XYLT1: variants seen among roughly 807,000 people sequenced by gnomAD.
XYLT1 encodes the protein xylosyltransferase 1.
In XYLT1, 36 loss-of-function variants were observed where a neutral mutation model predicts 91.3. The ratio of observed to expected loss-of-function variants is 0.39; its 90% CI spans 0.30 to 0.52. The LOEUF (loss-of-function observed/expected upper bound fraction) is 0.52, where lower values mean the gene tolerates loss of function less well. Among genes scored for constraint, XYLT1 ranks in the 20% least tolerant of loss-of-function variants. The probability of loss-of-function intolerance (pLI) is 0.68; values close to 1 mark genes in which losing one functional copy is unlikely to be tolerated. For missense variants in XYLT1, 1,242 were observed against 1,284.5 expected (o/e 0.97, Z 0.51); for synonymous variants, 588 against 532.0 (o/e 1.11, Z -1.45).
intron 2 of XYLT1, among the ~76,000 whole-genome samples, chr16:17,331,078 C>G (rs567442269): frequency 9.2e-5 from 14 of 152,356 alleles, no homozygotes; most frequent in Admixed American, 2.0e-4. Flanking sequence ...AGCCACTGGG[C>G]ACTGCCAGCT....
chr16:17,352,544 C>T (rs11861905), intron 2 of XYLT1, among the ~76,000 whole-genome samples: 74,275 of 152,112 alleles, frequency 0.49, 20,179 homozygotes, highest in African/African-American at 0.72. Context: ...AGACATACTA[C>T]GCAAAAAATT....
intron 2 of XYLT1, among the ~76,000 whole-genome samples, chr16:17,343,472 A>G (rs990017226): frequency 6.6e-6 from 1 of 151,772 alleles, no homozygotes; most frequent in African/African-American, 2.4e-5. Flanking sequence ...TTTTAAAATG[A>G]AAAAAAAGAA....
rs186265851 is a variant in XYLT1, at chr16:17,202,631, A to G, written c.914-1977T>C. On this transcript the variant is annotated intron_variant, in intron 3 of 11. Coordinates refer to ENST00000261381, the MANE Select transcript of XYLT1 (RefSeq NM_022166.4). ...AGTTCACAGTCCAAAAAGGGGACTC[A>G]CCACCACCTCTTTTACTCTCTTTCA... Among the ~76,000 whole-genome samples the G allele has an allele frequency of 6.1e-3, 934 of 152,274 alleles. 7 individuals carry two copies. Among genetic ancestry groups the G allele is most frequent in the African/African-American group, 0.021 (875 of 41,552 alleles).
rs539971572 is a variant in XYLT1, at chr16:17,187,048, AG to A, written c.1289+11163del. ...TCCTATTCAGAGAAATGGGGGAACC[AG>A]AAGGGTGACTGATATAGGATAGGAA... On this transcript the variant is annotated intron_variant, in intron 5 of 11. Transcript: ENST00000261381. Among the ~76,000 whole-genome samples the A allele has an allele frequency of 5.3e-5, 8 of 152,248 alleles. No homozygotes were observed. The East Asian group carries it at 1.5e-3, about 29-fold the overall frequency.
chr16:17,460,611 C>T (rs984811832), intron 1 of XYLT1, among the ~76,000 whole-genome samples: 4 of 152,136 alleles, frequency 2.6e-5, no homozygotes, highest in Admixed American at 6.5e-5. Context: ...AGCCAGGTGC[C>T]ACAGGTGACA....
At position 17,138,414 on chromosome 16, in the gene XYLT1, C is replaced by T. The variant is rs749988288; in HGVS notation, c.1705G>A (p.Val569Met). ...TTGGGGGAGCAGCCGCACCAGTCCACGATGTGCTTGTACTGGCACTTGCAG... is the reference window on the plus strand; with the variant it reads ...TTGGGGGAGCAGCCGCACCAGTCCATGATGTGCTTGTACTGGCACTTGCAG... ...LGCKCQYKHI[V>M]DWCGCSPNDF... The change falls in exon 8 of 12, where the codon GTG becomes ATG. Residue 569 changes from valine to methionine, a missense_variant. Coordinates refer to ENST00000261381, the MANE Select transcript of XYLT1 (RefSeq NM_022166.4). The T allele has an allele frequency of 1.4e-5, 22 of 1,614,028 alleles. No individual in the cohort carries two copies. Among genetic ancestry groups the T allele is most frequent in the East Asian group, 4.5e-5 (2 of 44,890 alleles).
intron 7 of XYLT1, 85 bp downstream of exon 7, chr16:17,141,068 C>CGG: frequency 7.2e-7 from 1 of 1,392,674 alleles, no homozygotes; most frequent in South Asian, 1.3e-5. Context: ...CCCAGAATCT[C>CGG]TTTGCCAAAA....
At chr16:17,184,205 T>TTTG (rs10686513) in intron 5 of XYLT1, among the ~76,000 whole-genome samples, 1 of 140,130 alleles carries the variant, frequency 7.1e-6, no homozygotes, top group Non-Finnish European at 1.6e-5. Flanking sequence ...TTTTTTTTTT[T>TTTG]GCCAATAAGC....
chr16:17,262,864 G>T (rs747705359), intron 2 of XYLT1, among the ~76,000 whole-genome samples: 4 of 152,084 alleles, frequency 2.6e-5, no homozygotes, highest in Non-Finnish European at 4.4e-5. Context: ...AACTCATCCC[G>T]ATTAATCCAG....
Position 17,365,604 on chromosome 16 carries a change from G to A in XYLT1, c.364-7554C>T, listed in dbSNP as rs188558829. ...TGGCAGTTAAAACTGGGTGTATTGC[G>A]CGCTCTCTTTCTCTCTTTTGTATTA... On this transcript the variant is annotated intron_variant, in intron 1 of 11. Coordinates refer to ENST00000261381, the MANE Select transcript of XYLT1 (RefSeq NM_022166.4). Among the ~76,000 whole-genome samples, 708 of 152,190 alleles carry A rather than the reference G, an allele frequency of 4.7e-3. 5 individuals carry two copies. The highest frequency in any genetic ancestry group is 6.7e-3 in the Non-Finnish European group (458 of 68,026).
chr16:17,191,649 A>C (rs561852295), intron 5 of XYLT1, among the ~76,000 whole-genome samples: 4 of 152,336 alleles, frequency 2.6e-5, no homozygotes, highest in East Asian at 3.9e-4. Context: ...GGTCCCATAT[A>C]AACTCTGGTC....
rs186296497 is a variant in XYLT1 at position 17,197,751 on chromosome 16, C to A, written c.1289+461G>T. On this transcript the variant is annotated intron_variant, in intron 5 of 11. Coordinates refer to ENST00000261381, the MANE Select transcript of XYLT1 (RefSeq NM_022166.4). ...GGATCTTTGGGCCTTCGACCACAGA[C>A]TGAAGACTGCACTGTGGGCTTCCCT... Among the ~76,000 whole-genome samples, 272 of 152,330 alleles carry A rather than the reference C, an allele frequency of 1.8e-3. 2 individuals are homozygous for A. The highest frequency in any genetic ancestry group is 6.3e-3 in the African/African-American group (260 of 41,578).
At chr16:17,409,879 C>T (rs898647530) in intron 1 of XYLT1, among the ~76,000 whole-genome samples, 3 of 151,950 alleles carry the variant, frequency 2.0e-5, no homozygotes, top group Non-Finnish European at 2.9e-5. Context: ...TGTGTATGAC[C>T]GAGTTTTATG....
intron 3 of XYLT1, among the ~76,000 whole-genome samples, chr16:17,241,019 A>G (rs2033337046): frequency 6.6e-6 from 1 of 152,166 alleles, no homozygotes; most frequent in Non-Finnish European, 1.5e-5. Flanking sequence ...ATGTTTTTGG[A>G]GCCAGAGAAC....
At chr16:17,338,231 C>G (rs1409733541) in intron 2 of XYLT1, 2 of 456,382 alleles carry the variant, frequency 4.4e-6, no homozygotes, top group Non-Finnish European at 8.8e-6. Flanking sequence ...ACGAAGCAGC[C>G]AGAGTGATCA....
chr16:17,295,339 TTTG>T (rs1180508029), intron 2 of XYLT1, among the ~76,000 whole-genome samples: 2 of 148,128 alleles, frequency 1.4e-5, no homozygotes, highest in Admixed American at 7.2e-5. Flanking sequence ...AGGTTTTTGT[TTTG>T]TTTTGTTTTG....
chr16:17,201,324 G>A (rs1221029720), intron 3 of XYLT1, among the ~76,000 whole-genome samples: 1 of 152,090 alleles, frequency 6.6e-6, no homozygotes, highest in African/African-American at 2.4e-5. Context: ...AATTTCAGGG[G>A]TGGACCTACA....
At position 17,103,990 on chromosome 16, in the gene XYLT1, TC is replaced by T. The variant is rs1966741677; in HGVS notation, c.*4704del. On this transcript the variant is annotated 3_prime_UTR_variant, in exon 12 of 12. Transcript: ENST00000261381. ...AGAGGAGAGAGAGAATTTGCATAGA[TC>T]ATACATTCAGCTCAAGCAGATTTGG... The T allele has an allele frequency of 6.6e-6, 1 of 152,488 alleles. No homozygotes were observed. Among genetic ancestry groups the T allele is most frequent in the Non-Finnish European group, 1.5e-5 (1 of 68,116 alleles). 9.4% of individuals were successfully genotyped at this position (152,488 alleles called of 1,614,324 possible). A position where few individuals can be genotyped will look rare whatever the true frequency, so the allele number is the denominator to read the frequency against.
chr16:17,160,463 G>A (rs979870554), intron 5 of XYLT1, among the ~76,000 whole-genome samples: 2 of 152,156 alleles, frequency 1.3e-5, no homozygotes, highest in Admixed American at 6.5e-5. Context: ...TAATTCCAGC[G>A]GAGGGGGCAC....
Sources: allele counts gnomAD v4.1 joint callset (sites outside exome capture counted in the v4.1 genomes callset), GRCh38; gene constraint gnomAD v4.1.1; transcripts MANE v1.5; gene names NCBI Gene and HGNC (gene_info 2026-07-23, HGNC 2026-07-21).